Variants in FUT8 observed in about 807,000 individuals in gnomAD.
FUT8 encodes fucosyltransferase 8, also known as alpha-(1,6)-fucosyltransferase.
A neutral mutation model predicts 71.3 loss-of-function variants in FUT8; 29 were observed. That is an observed-to-expected ratio of 0.41 (90% CI 0.30 to 0.55). FUT8 has a LOEUF of 0.55. Ranked by LOEUF, FUT8 falls within the 20% of genes least tolerant of loss-of-function variation. The pLI is 0.34. For missense variants in FUT8, 544 were observed against 702.1 expected (o/e 0.77, Z 2.55); for synonymous variants, 254 against 239.3 (o/e 1.06, Z -0.57).
chr14:65,617,075 CTA>C, intron 5 of FUT8: 1 of 1,584,054 alleles, frequency 6.3e-7, no homozygotes, highest in Non-Finnish European at 8.5e-7. Flanking sequence ...ATTTAAAAGT[CTA>C]TGTTTCCAGT....
At chr14:65,570,256 C>T (rs1886398475) in intron 3 of FUT8, among the ~76,000 whole-genome samples, 1 of 152,072 alleles carries the variant, frequency 6.6e-6, no homozygotes, top group East Asian at 1.9e-4. Flanking sequence ...TCCAAATTTT[C>T]ACACCACTCT....
intron 7 of FUT8, among the ~76,000 whole-genome samples, chr14:65,702,084 G>A (rs770740114): frequency 2.6e-5 from 4 of 152,184 alleles, no homozygotes; most frequent in South Asian, 2.1e-4. Context: ...GGTGGCTCAC[G>A]CCTGTAATCC....
intron 7 of FUT8, among the ~76,000 whole-genome samples, chr14:65,688,800 C>T (rs748727196): frequency 1.3e-5 from 2 of 152,132 alleles, no homozygotes; most frequent in African/African-American, 2.4e-5. Context: ...TCTTCCAAAA[C>T]GGCTGTCTAT....
chr14:65,401,082 G>C, the FUT8 span, among the ~76,000 whole-genome samples: 1 of 152,152 alleles, frequency 6.6e-6, no homozygotes, highest in African/African-American at 2.4e-5. Context: ...GTAAAGATGA[G>C]CTCCAAAAGC....
chr14:65,361,822 A>G, the FUT8 span, among the ~76,000 whole-genome samples: 1 of 151,996 alleles, frequency 6.6e-6, no homozygotes. Context: ...AAATAAATAA[A>G]TAAATAAATA....
intron 2 of FUT8, among the ~76,000 whole-genome samples, chr14:65,559,856 G>A (rs558237993): frequency 3.7e-4 from 56 of 152,232 alleles, no homozygotes; most frequent in African/African-American, 1.1e-3. Context: ...TCAGTAAAAA[G>A]AGTGTTCTTG....
the FUT8 span, among the ~76,000 whole-genome samples, chr14:65,366,844 A>G: frequency 6.6e-6 from 1 of 152,152 alleles, no homozygotes; most frequent in Non-Finnish European, 1.5e-5. Flanking sequence ...AGAAGTGGCA[A>G]ATTGGCCCTG....
In FUT8 at chr14:65,626,258, A is replaced by G. The variant is rs140560738; in HGVS notation, c.483-3234A>G. On this transcript the variant is annotated intron_variant, in intron 5 of 10. Transcript: ENST00000673929. The stretch of plus-strand genomic sequence containing the variant: ...AATAGCGGCTACCACATGTATTACT[A>G]TTTTGTGTGTATTTTTTAAAGAGCT... Among the ~76,000 whole-genome samples the G allele has an allele frequency of 2.5e-3, 375 of 152,100 alleles. 2 individuals carry two copies. The highest frequency in any genetic ancestry group is 8.3e-3 in the African/African-American group (343 of 41,504).
the FUT8 span, among the ~76,000 whole-genome samples, chr14:65,394,749 TC>T: frequency 1.8e-5 from 2 of 112,440 alleles, no homozygotes; most frequent in African/African-American, 3.4e-5. Flanking sequence ...GGCAGTCAAA[TC>T]TTTTTTTTTT....
chr14:65,490,477 A>G (rs971727574), intron 2 of FUT8, among the ~76,000 whole-genome samples: 11 of 152,130 alleles, frequency 7.2e-5, no homozygotes, highest in African/African-American at 2.7e-4. Flanking sequence ...ATAGTTTTCA[A>G]TCTAAATTTG....
intron 7 of FUT8, among the ~76,000 whole-genome samples, chr14:65,707,664 A>G (rs1453044670): frequency 2.6e-5 from 4 of 152,144 alleles, no homozygotes; most frequent in African/African-American, 7.2e-5. Context: ...TTTTATATAT[A>G]GTATAAAAGT....
At chr14:65,565,163 T>C (rs1201996948) in intron 3 of FUT8, among the ~76,000 whole-genome samples, 1 of 151,884 alleles carries the variant, frequency 6.6e-6, no homozygotes, top group Non-Finnish European at 1.5e-5. Context: ...GCCAGACTTT[T>C]TTAAACAACC....
intron 7 of FUT8, among the ~76,000 whole-genome samples, chr14:65,712,131 A>G (rs1033229441): frequency 6.6e-6 from 1 of 152,218 alleles, no homozygotes; most frequent in Non-Finnish European, 1.5e-5. Context: ...TTTGTTATCA[A>G]AAATTTAACT....
chr14:65,502,736 G>T (rs2066666407), intron 2 of FUT8, among the ~76,000 whole-genome samples: 1 of 152,166 alleles, frequency 6.6e-6, no homozygotes, highest in Non-Finnish European at 1.5e-5. Flanking sequence ...GTCTGCAGTG[G>T]TAACCAACCT....
chr14:65,371,473 A>T, the FUT8 span, among the ~76,000 whole-genome samples: 3 of 152,348 alleles, frequency 2.0e-5, no homozygotes, highest in Admixed American at 2.0e-4. Context: ...TAGAAGAATT[A>T]ATTGGTCAGT....
chr14:65,371,157 A>C, the FUT8 span, among the ~76,000 whole-genome samples: 1 of 152,232 alleles, frequency 6.6e-6, no homozygotes, highest in Non-Finnish European at 1.5e-5. Context: ...CTTCAGCTTA[A>C]AATAATCCTG....
At chr14:65,447,516 G>T (rs755193680) in intron 1 of FUT8, among the ~76,000 whole-genome samples, 13 of 151,952 alleles carry the variant, frequency 8.6e-5, no homozygotes, top group Non-Finnish European at 1.8e-4. Context: ...TAAATTAAAA[G>T]ATTAAAACAA....
intron 2 of FUT8, among the ~76,000 whole-genome samples, chr14:65,543,521 T>C (rs564379076): frequency 1.3e-5 from 2 of 152,246 alleles, no homozygotes; most frequent in Non-Finnish European, 2.9e-5. Context: ...TAGAGAATAA[T>C]GGAAGAGGGT....
At chr14:65,436,836 C>A (rs2065569425) in intron 1 of FUT8, among the ~76,000 whole-genome samples, 1 of 151,942 alleles carries the variant, frequency 6.6e-6, no homozygotes, top group East Asian at 1.9e-4. Flanking sequence ...CTAGGATTAT[C>A]AGTGATTAGG....
Sources: allele counts gnomAD v4.1 joint callset (sites outside exome capture counted in the v4.1 genomes callset), GRCh38; gene constraint gnomAD v4.1.1; transcripts MANE v1.5; gene names NCBI Gene and HGNC (gene_info 2026-07-23, HGNC 2026-07-21).